The following GTF3C4 variants were observed in gnomAD, a reference collection of about 807,000 sequenced individuals.
The protein encoded by GTF3C4 is general transcription factor IIIC subunit 4, also known as general transcription factor 3C polypeptide 4.
In GTF3C4, 28 loss-of-function variants were observed where a neutral mutation model predicts 67.5. The ratio of observed to expected loss-of-function variants is 0.41; its 90% CI spans 0.31 to 0.57. The LOEUF (loss-of-function observed/expected upper bound fraction) is 0.57, where lower values mean the gene tolerates loss of function less well. GTF3C4 is among the 20% of genes least tolerant of loss of function. The pLI, the probability that GTF3C4 is intolerant of heterozygous loss-of-function variation, is 0.21. For synonymous variants in GTF3C4, 409 were observed against 393.0 expected, an observed-to-expected ratio of 1.04 and a Z score of -0.48; for missense variants, 831 against 1,033.2, an observed-to-expected ratio of 0.80 and a Z score of 2.68.
chr9:132,682,595 C>CTTTTTTTTTTTTTTTTT (rs34962674), intron 2 of GTF3C4, among the ~76,000 whole-genome samples: 1 of 92,574 alleles, frequency 1.1e-5, no homozygotes, highest in Non-Finnish European at 2.0e-5. Flanking sequence ...ACAGTATAAT[C>CTTTTTTTTTTTTTTTTT]TTTTTTTTTT....
In GTF3C4 at chr9:132,691,431, A is replaced by T. The variant is rs1836114258; in HGVS notation, c.*2486A>T. ...ATTTGGTAGATTTCAAGTTGCTTTC[A>T]GCTGTGACCGTAATAACTGTTTCAG... On this transcript the variant is annotated 3_prime_UTR_variant, in exon 5 of 5. Coordinates refer to ENST00000372146, the MANE Select transcript of GTF3C4 (RefSeq NM_012204.4). The T allele has an allele frequency of 6.6e-6, 1 of 152,210 alleles. No homozygotes were observed. 9.4% of individuals were successfully genotyped at this position (152,210 alleles called of 1,614,324 possible).
chr9:132,677,541 G>A (rs115384633), intron 1 of GTF3C4, among the ~76,000 whole-genome samples: 4 of 152,322 alleles, frequency 2.6e-5, no homozygotes, highest in African/African-American at 7.2e-5. Flanking sequence ...CAAGGGAGCC[G>A]GGGAAAGCTG....
chr9:132,671,395 C>T (rs951063089), intron 1 of GTF3C4, among the ~76,000 whole-genome samples: 1 of 152,192 alleles, frequency 6.6e-6, no homozygotes, highest in African/African-American at 2.4e-5. Flanking sequence ...TGTGTGTGTC[C>T]TCCTCTCGCG....
chr9:132,682,261 G>GA (rs1263654636), intron 2 of GTF3C4, among the ~76,000 whole-genome samples: 1 of 151,998 alleles, frequency 6.6e-6, no homozygotes, highest in Non-Finnish European at 1.5e-5. Context: ...AGACTGAAAA[G>GA]AAAAAAGGCC....
In GTF3C4 at chr9:132,678,425, G is replaced by A. The variant is rs749918154; in HGVS notation, c.806G>A (p.Arg269Gln). The A allele has an allele frequency of 9.9e-6, 16 of 1,614,204 alleles. No individual in the cohort carries two copies. The highest frequency in any genetic ancestry group is 1.2e-5 in the Non-Finnish European group (14 of 1,180,036). ...TQQVKHNNEC[R>Q]DVGSVLLAVL... ...CAGGTCAAGCATAACAACGAATGCCGGGACGTTGGCAGTGTGCTCCTGGCT... is the reference window on the plus strand; with the variant it reads ...CAGGTCAAGCATAACAACGAATGCCAGGACGTTGGCAGTGTGCTCCTGGCT... The change falls in exon 2 of 5, where the codon CGG (arginine) becomes CAG (glutamine). Residue 269 changes from arginine to glutamine, a missense_variant. Physicochemically the swap from Arg to Gln is conservative, Grantham distance 43. Around this residue, in one of 4 missense-constraint regions of GTF3C4, gnomAD observed 390 missense variants for 540.3 expected, o/e 0.72. Transcript: ENST00000372146. The surrounding 1 kb of genome is among the most constrained non-coding windows in gnomAD (Gnocchi z 6.5).
intron 2 of GTF3C4, 89 bp from the exon 3 acceptor site, chr9:132,683,473 AT>A: frequency 8.5e-7 from 1 of 1,175,036 alleles, no homozygotes; most frequent in Non-Finnish European, 1.2e-6. Context: ...TTTTTTCTTT[AT>A]TTTTTAATTT....
At position 132,678,803 on chromosome 9, in the gene GTF3C4, G is replaced by A; in HGVS notation, c.1184G>A (p.Arg395Lys). The change falls in exon 2 of 5, where the codon AGA (arginine) becomes AAA (lysine). Residue 395 changes from arginine to lysine, a missense_variant. By Grantham distance (26) the Arg-to-Lys change is conservative. Transcript: ENST00000372146. This position sits in a 1 kb window ranked among gnomAD's most constrained non-coding sequence, Gnocchi z 6.5. The stretch of plus-strand genomic sequence containing the variant: ...AGTTGCAGCTTAGTAGTGGCTGCAA[G>A]AGGCTCTTATGTATTTTGGTGTCTT... ...KCSCSLVVAA[R>K]GSYVFWCLLL... 6.2e-7 allele frequency: 1 copy of A among 1,614,176 alleles called. No individual in the cohort carries two copies.
intron 3 of GTF3C4, among the ~76,000 whole-genome samples, chr9:132,685,515 C>CTT (rs879535001): frequency 5.6e-5 from 8 of 142,994 alleles, no homozygotes; most frequent in South Asian, 2.2e-4. Context: ...CATTCCTACA[C>CTT]TTTTTTTTTT....
intron 2 of GTF3C4, among the ~76,000 whole-genome samples, chr9:132,682,650 G>A (rs1395227572): frequency 7.3e-6 from 1 of 136,632 alleles, no homozygotes; most frequent in Non-Finnish European, 1.5e-5. Context: ...GTCAACCCAG[G>A]CTGATGTGCA....
chr9:132,687,151 G>A, intron 3 of GTF3C4, 88 bp from the exon 4 acceptor site: 3 of 799,164 alleles, frequency 3.8e-6, no homozygotes, highest in Non-Finnish European at 6.8e-6. Flanking sequence ...GTGGTTTTAT[G>A]ATAACTCTCT....
chr9:132,693,178 C>G lies in GTF3C4; in HGVS notation c.*4233C>G, dbSNP rs571108208. 2.0e-5 allele frequency: 3 copies of G among 152,298 alleles called. No individual in the cohort carries two copies. In the East Asian group the frequency reaches 5.8e-4, roughly 29 times the overall value. 9.4% of individuals were successfully genotyped at this position (152,298 alleles called of 1,614,324 possible). ...TGTCTCATTGATAGGATGTAGCCTG[C>G]CATCTGCATAGATGGTTTAACATGG... On this transcript the variant is annotated 3_prime_UTR_variant, in exon 5 of 5. Coordinates refer to ENST00000372146, the MANE Select transcript of GTF3C4 (RefSeq NM_012204.4).
At chr9:132,685,960 T>G (rs569261128) in intron 3 of GTF3C4, among the ~76,000 whole-genome samples, 1 of 152,344 alleles carries the variant, frequency 6.6e-6, no homozygotes, top group South Asian at 2.1e-4. Context: ...AAGGCAAAAT[T>G]AATGATGCAA....
Position 132,690,233 on chromosome 9 carries a change from C to G in GTF3C4, c.*1288C>G, listed in dbSNP as rs1388399239. The G allele has an allele frequency of 6.6e-6, 1 of 152,306 alleles. No individual in the cohort carries two copies. Among genetic ancestry groups the G allele is most frequent in the Non-Finnish European group, 1.5e-5 (1 of 68,158 alleles). The allele number at this position is 152,306 out of a possible 1,614,324, so 9.4% of individuals were successfully genotyped here. On this transcript the variant is annotated 3_prime_UTR_variant, in exon 5 of 5. Coordinates refer to ENST00000372146, the MANE Select transcript of GTF3C4 (RefSeq NM_012204.4). ...CCGAGGCAGACGGGTCACTTGAGGCCAGGAGTTCGAGACCAGCCTGGGCAA... is the reference window on the plus strand; with the variant it reads ...CCGAGGCAGACGGGTCACTTGAGGCGAGGAGTTCGAGACCAGCCTGGGCAA...
Position 132,678,630 on chromosome 9 carries a change from T to C in GTF3C4, c.1011T>C (p.Phe337=). 1 of 1,614,128 alleles carries C rather than the reference T, an allele frequency of 6.2e-7. No homozygotes were observed. Reference sequence around the variant, plus strand: ...GTGGCCTTATTGTGGGGAGTGCTTTTGGACCCATAAAAATTCTTCCTGTCA... The same window carrying C: ...GTGGCCTTATTGTGGGGAGTGCTTTCGGACCCATAAAAATTCTTCCTGTCA... ...KMSGLIVGSA[F]GPIKILPVNL... is the part of the protein sequence containing the mutation. The change falls in exon 2 of 5, where the codon TTT becomes TTC. Residue 337 remains phenylalanine (F), a synonymous_variant. Coordinates refer to ENST00000372146, the MANE Select transcript of GTF3C4 (RefSeq NM_012204.4). This position sits in a 1 kb window ranked among gnomAD's most constrained non-coding sequence, Gnocchi z 6.5.
In GTF3C4 at chr9:132,677,874, A is replaced by G. The variant is rs760451530; in HGVS notation, c.358-103A>G. 5.3e-5 allele frequency: 48 copies of G among 902,510 alleles called. 1 individual carries two copies. Among genetic ancestry groups the G allele is most frequent in the Non-Finnish European group, 7.6e-5 (44 of 581,026 alleles). The allele number at this position is 902,510 out of a possible 1,614,324, so 55.9% of individuals were successfully genotyped here. Reference sequence around the variant, plus strand: ...TGCATATATTAATTCTAAGAAGAATATGGGAACCAGGCTATGAATAATGAC... The same window carrying G: ...TGCATATATTAATTCTAAGAAGAATGTGGGAACCAGGCTATGAATAATGAC... On this transcript the variant is annotated intron_variant, in intron 1 of 4. Transcript: ENST00000372146.
intron 2 of GTF3C4, among the ~76,000 whole-genome samples, chr9:132,681,079 G>A (rs550516782): frequency 3.6e-4 from 55 of 152,206 alleles, no homozygotes; most frequent in African/African-American, 1.2e-3. Flanking sequence ...TTGCACAATC[G>A]ACAAGAGCAA....
chr9:132,677,218 A>G (rs1366509077), intron 1 of GTF3C4, among the ~76,000 whole-genome samples: 1 of 152,194 alleles, frequency 6.6e-6, no homozygotes, highest in Non-Finnish European at 1.5e-5. Context: ...CCTGACCAAC[A>G]TGGTGAAACC....
intron 1 of GTF3C4, among the ~76,000 whole-genome samples, chr9:132,672,347 A>G (rs112218870): frequency 0.015 from 2,344 of 152,276 alleles, 35 homozygotes; most frequent in Non-Finnish European, 0.025. Flanking sequence ...AGGGAGTAGT[A>G]AGGGGAGAGA....
chr9:132,683,116 A>C (rs444197), intron 2 of GTF3C4, among the ~76,000 whole-genome samples: 72,337 of 152,020 alleles, frequency 0.48, 17,968 homozygotes, highest in African/African-American at 0.61. Flanking sequence ...ACAGTTCTGC[A>C]AAGAGAGCAG....
Sources: allele counts gnomAD v4.1 joint callset (sites outside exome capture counted in the v4.1 genomes callset), GRCh38; gene constraint gnomAD v4.1.1; regional missense constraint gnomAD v4.1.1; non-coding constraint Gnocchi (gnomAD v3.1); transcripts MANE v1.5; gene names NCBI Gene and HGNC (gene_info 2026-07-23, HGNC 2026-07-21).